PRKD1: variants seen among roughly 807,000 people sequenced by gnomAD.
PRKD1 encodes the protein protein kinase D1.
A neutral mutation model predicts 95.9 loss-of-function variants in PRKD1; 63 were observed. The observed-to-expected ratio is 0.66, with a 90% CI of 0.54 to 0.81. PRKD1 has a LOEUF of 0.81. Ranked by LOEUF, PRKD1 falls within the 30% of genes least tolerant of loss-of-function variation. The pLI, the probability that PRKD1 is intolerant of heterozygous loss-of-function variation, is 0.00. For synonymous variants in PRKD1, 425 were observed against 423.1 expected (o/e 1.00, Z -0.05); for missense variants, 1,048 against 1,165.3 (o/e 0.90, Z 1.47).
chr14:29,584,379 T>G lies in PRKD1; in HGVS notation c.2435-6019A>C, dbSNP rs45446497. ...GAAAACTCTAAGAAAAGACTGTAACTGGACATATTTAAATTCTTAATAGGT... is the reference window on the plus strand; with the variant it reads ...GAAAACTCTAAGAAAAGACTGTAACGGGACATATTTAAATTCTTAATAGGT... On this transcript the variant is annotated intron_variant, in intron 16 of 17. Coordinates refer to ENST00000331968, the MANE Select transcript of PRKD1 (RefSeq NM_002742.3). Among the ~76,000 whole-genome samples the G allele has an allele frequency of 3.6e-3, 546 of 152,256 alleles. 2 individuals are homozygous for G. The highest frequency in any genetic ancestry group is 0.013 in the African/African-American group (530 of 41,566).
rs997891451 is a variant in PRKD1 at position 29,662,154 on chromosome 14, T to C, written c.696+1545A>G. On this transcript the variant is annotated intron_variant, in intron 4 of 17. Transcript: ENST00000331968. Reference sequence around the variant, plus strand: ...TTACATAAGCTAAATTAGATTTATATAGAAACCATACATTTATATACATAT... The same window carrying C: ...TTACATAAGCTAAATTAGATTTATACAGAAACCATACATTTATATACATAT... Among the ~76,000 whole-genome samples the C allele has an allele frequency of 5.9e-5, 9 of 152,300 alleles. No individual in the cohort carries two copies. In the South Asian group the frequency reaches 1.7e-3, roughly 28 times the overall value.
chr14:29,627,574 T>C (rs2139100588), intron 11 of PRKD1, among the ~76,000 whole-genome samples: 1 of 152,322 alleles, frequency 6.6e-6, no homozygotes, highest in South Asian at 2.1e-4. Context: ...AATTCTTTTT[T>C]CCCTTATATA....
intron 7 of PRKD1, among the ~76,000 whole-genome samples, chr14:29,635,113 A>G (rs1247511359): frequency 6.6e-6 from 1 of 152,196 alleles, no homozygotes; most frequent in Non-Finnish European, 1.5e-5. Flanking sequence ...GTTTTCAGGT[A>G]AACCTGAGGT....
chr14:29,839,699 TCTAGGCAGAGGTTTCCAAACCTC>T (rs1891755075), intron 1 of PRKD1, among the ~76,000 whole-genome samples: 1 of 151,938 alleles, frequency 6.6e-6, no homozygotes, highest in Admixed American at 6.5e-5. Flanking sequence ...TCCTCTGAAA[TCTAGGCAGAGGTTTCCAAACCTC>T]TGCCTAGACT....
At chr14:29,660,449 A>G (rs1454075371) in intron 4 of PRKD1, among the ~76,000 whole-genome samples, 2 of 152,156 alleles carry the variant, frequency 1.3e-5, no homozygotes, top group Non-Finnish European at 2.9e-5. Context: ...TGCCCTGTGT[A>G]CTGACCTCTC....
chr14:29,626,639 T>C, intron 11 of PRKD1, 83 bp from the exon 12 acceptor site: 1 of 655,260 alleles, frequency 1.5e-6, no homozygotes, highest in South Asian at 4.2e-5. Context: ...CTATTAAATA[T>C]ATTATAAACT....
chr14:29,678,577 G>A (rs1443338501), intron 2 of PRKD1, among the ~76,000 whole-genome samples: 2 of 151,988 alleles, frequency 1.3e-5, no homozygotes, highest in Non-Finnish European at 2.9e-5. Flanking sequence ...TGGGAACTGG[G>A]TACATATTAA....
intron 1 of PRKD1, among the ~76,000 whole-genome samples, chr14:29,831,036 T>A (rs1319631468): frequency 6.6e-6 from 1 of 152,208 alleles, no homozygotes; most frequent in East Asian, 1.9e-4. Flanking sequence ...TATTTCTGAT[T>A]AATGTATCTC....
intron 1 of PRKD1, among the ~76,000 whole-genome samples, chr14:29,737,501 C>T: frequency 6.6e-6 from 1 of 152,202 alleles, no homozygotes; most frequent in East Asian, 1.9e-4. Flanking sequence ...AAGTCATTTT[C>T]CAAGAACTCT....
intron 6 of PRKD1, 72 bp downstream of exon 6, chr14:29,638,417 C>G: frequency 6.4e-7 from 1 of 1,552,496 alleles, no homozygotes; most frequent in Non-Finnish European, 8.8e-7. Context: ...ACCAAAAACC[C>G]TGACTAAAAT....
intron 2 of PRKD1, among the ~76,000 whole-genome samples, chr14:29,708,868 C>T (rs1318713141): frequency 6.6e-6 from 1 of 152,058 alleles, no homozygotes; most frequent in Non-Finnish European, 1.5e-5. Context: ...GTCTCAAAAA[C>T]AAACAAACAA....
intron 1 of PRKD1, among the ~76,000 whole-genome samples, chr14:29,914,106 G>A (rs1894810804): frequency 1.3e-5 from 2 of 152,212 alleles, no homozygotes; most frequent in African/African-American, 4.8e-5. Context: ...TTGTGAATGT[G>A]CTTTAGGTCA....
intron 1 of PRKD1, among the ~76,000 whole-genome samples, chr14:29,744,290 G>A (rs1180232060): frequency 1.3e-5 from 2 of 152,140 alleles, no homozygotes; most frequent in Non-Finnish European, 2.9e-5. Context: ...CTGCCATCCA[G>A]TTGTTCAGTT....
At chr14:29,825,354 G>T (rs1225342715) in intron 1 of PRKD1, among the ~76,000 whole-genome samples, 2 of 152,098 alleles carry the variant, frequency 1.3e-5, no homozygotes, top group Admixed American at 6.6e-5. Context: ...ACACTTGACA[G>T]ACTTTAAGAC....
chr14:29,706,135 T>A (rs138519500), intron 2 of PRKD1, among the ~76,000 whole-genome samples: 1 of 152,124 alleles, frequency 6.6e-6, no homozygotes, highest in Non-Finnish European at 1.5e-5. Context: ...ATTATAGCCA[T>A]CCTACTGGAT....
At chr14:29,865,417 G>A (rs1892860015) in intron 1 of PRKD1, among the ~76,000 whole-genome samples, 1 of 152,220 alleles carries the variant, frequency 6.6e-6, no homozygotes, top group Non-Finnish European at 1.5e-5. Flanking sequence ...GGTATTAGAA[G>A]CTGAGGCCAT....
chr14:29,782,854 T>C (rs1227880213), intron 1 of PRKD1, among the ~76,000 whole-genome samples: 1 of 152,232 alleles, frequency 6.6e-6, no homozygotes, highest in Non-Finnish European at 1.5e-5. Flanking sequence ...CAAATTGTTT[T>C]TTACTGCACA....
intron 1 of PRKD1, among the ~76,000 whole-genome samples, chr14:29,779,207 G>A (rs558992013): frequency 1.2e-4 from 18 of 152,158 alleles, no homozygotes; most frequent in Non-Finnish European, 1.5e-4. Context: ...AACGGGAAGC[G>A]TTCCCTTTGA....
rs200185024 is a variant in PRKD1, at chr14:29,630,987, G to C, written c.1427C>G (p.Pro476Arg). Residue 476 changes from proline to arginine, a missense_variant, in exon 10 of 18, where the codon CCA (proline) becomes CGA (arginine). By Grantham distance (103) the Pro-to-Arg change is moderately radical. Transcript: ENST00000331968. ...AGGAATTAAAGCTGAAGTTTTTACTGGTTCCAGAGACAAAATTTCAGATAA... is the reference window on the plus strand; with the variant it reads ...AGGAATTAAAGCTGAAGTTTTTACTCGTTCCAGAGACAAAATTTCAGATAA... ...IPLSEILSLE[P>R]VKTSALIPNG... The C allele has an allele frequency of 4.6e-5, 74 of 1,610,480 alleles. No individual in the cohort carries two copies. The highest frequency in any genetic ancestry group is 6.0e-5 in the Non-Finnish European group (71 of 1,177,696).
Sources: allele counts gnomAD v4.1 joint callset (sites outside exome capture counted in the v4.1 genomes callset), GRCh38; gene constraint gnomAD v4.1.1; transcripts MANE v1.5; gene names NCBI Gene and HGNC (gene_info 2026-07-23, HGNC 2026-07-21).